Variants in AGPS observed in about 807,000 individuals in gnomAD.
The protein encoded by AGPS is alkylglycerone phosphate synthase.
A neutral mutation model predicts 90.7 loss-of-function variants in AGPS; 26 were observed. The ratio of observed to expected loss-of-function variants is 0.29; its 90% CI spans 0.21 to 0.40. The LOEUF (loss-of-function observed/expected upper bound fraction) is 0.40. Among genes scored for constraint, AGPS ranks in the 10% least tolerant of loss-of-function variants. AGPS has a pLI of 1.00. For missense variants in AGPS, 540 were observed against 816.1 expected (o/e 0.66, Z 4.12); for synonymous variants, 294 against 285.3 (o/e 1.03, Z -0.31).
chr2:177,450,975 T>TATATATATATATATA (rs1434749270), intron 8 of AGPS, among the ~76,000 whole-genome samples: 4 of 136,576 alleles, frequency 2.9e-5, no homozygotes, highest in African/African-American at 1.4e-4. Context: ...TATATATATA[T>TATATATATATATATA]TTTAGAGACA....
intron 16 of AGPS, among the ~76,000 whole-genome samples, chr2:177,509,062 T>C (rs1289406957): frequency 6.6e-6 from 1 of 152,194 alleles, no homozygotes; most frequent in African/African-American, 2.4e-5. Context: ...GTGAATCTAC[T>C]TCTTAGATTG....
intron 10 of AGPS, among the ~76,000 whole-genome samples, chr2:177,477,046 A>G (rs930289735): frequency 6.6e-6 from 1 of 152,066 alleles, no homozygotes; most frequent in Non-Finnish European, 1.5e-5. Context: ...TTTAAAGTGT[A>G]GATTCTGTAG....
intron 10 of AGPS, among the ~76,000 whole-genome samples, chr2:177,471,071 A>G (rs1013742595): frequency 1.1e-4 from 16 of 152,158 alleles, no homozygotes; most frequent in East Asian, 1.9e-4. Flanking sequence ...TTTACAATTT[A>G]TGGTCCCTAA....
intron 2 of AGPS, among the ~76,000 whole-genome samples, chr2:177,425,622 GAAAAAA>G (rs1159060576): frequency 0.034 from 3,215 of 95,264 alleles, 134 homozygotes; most frequent in African/African-American, 0.12. Flanking sequence ...ACTCTGCCTA[GAAAAAA>G]AAAAAAAAAA....
intron 1 of AGPS, among the ~76,000 whole-genome samples, chr2:177,413,916 A>G (rs1685710783): frequency 6.6e-6 from 1 of 152,154 alleles, no homozygotes; most frequent in South Asian, 2.1e-4. Flanking sequence ...CAAGTTTCTA[A>G]TTGGTAGATT....
intron 14 of AGPS, among the ~76,000 whole-genome samples, chr2:177,499,968 A>G (rs138564630): frequency 5.5e-4 from 84 of 151,986 alleles, no homozygotes; most frequent in African/African-American, 1.9e-3. Flanking sequence ...GCTCTTGTCT[A>G]ATCATATATA....
chr2:177,447,421 G>A (rs557237631), intron 8 of AGPS, among the ~76,000 whole-genome samples: 6 of 151,930 alleles, frequency 3.9e-5, no homozygotes, highest in African/African-American at 1.4e-4. Context: ...AACTTTAGTG[G>A]GCAGAATAAT....
chr2:177,462,392 C>CAAAA (rs67734682), intron 9 of AGPS, among the ~76,000 whole-genome samples: 3 of 108,166 alleles, frequency 2.8e-5, no homozygotes, highest in Non-Finnish European at 5.3e-5. Flanking sequence ...GATTCTGTCT[C>CAAAA]AAAAAAAAAA....
At chr2:177,462,115 G>A (rs1370997286) in intron 9 of AGPS, 97 bp downstream of exon 9, 11 of 1,154,620 alleles carry the variant, frequency 9.5e-6, no homozygotes, top group South Asian at 5.7e-5. Context: ...TTGGGCCTGG[G>A]CGCGGTGGCC....
At chr2:177,436,667 T>TA (rs1354327894) in intron 3 of AGPS, 97 bp from the exon 4 acceptor site, 80 of 1,243,476 alleles carry the variant, frequency 6.4e-5, no homozygotes, top group Non-Finnish European at 7.9e-5. Flanking sequence ...TTTGAATGTT[T>TA]AAAAAAAAGT....
rs186867002 is a variant in AGPS, at chr2:177,446,020, T to C, written c.870+394T>C. ...AACCTGGCATTTTTTTTGTTGTTGT[T>C]AGTACTGAGTCAGTGGCAAAGGACA... On this transcript the variant is annotated intron_variant, in intron 8 of 19. Transcript: ENST00000264167. Among the ~76,000 whole-genome samples the C allele has an allele frequency of 2.6e-5, 4 of 152,284 alleles. No individual in the cohort carries two copies. The East Asian group carries it at 7.7e-4, about 29-fold the overall frequency.
chr2:177,518,493 T>G (rs1689087557), intron 17 of AGPS, among the ~76,000 whole-genome samples: 1 of 152,116 alleles, frequency 6.6e-6, no homozygotes, highest in Admixed American at 6.5e-5. Context: ...TATGCAAATA[T>G]CCTGTTTCTT....
chr2:177,447,642 A>G (rs1431796074), intron 8 of AGPS, among the ~76,000 whole-genome samples: 2 of 151,816 alleles, frequency 1.3e-5, no homozygotes, highest in African/African-American at 4.8e-5. Context: ...TTCAAGGAAC[A>G]TATTTCCTTG....
chr2:177,438,167 TC>T (rs1371732336), intron 5 of AGPS, among the ~76,000 whole-genome samples: 1 of 152,184 alleles, frequency 6.6e-6, no homozygotes, highest in Non-Finnish European at 1.5e-5. Flanking sequence ...AATTTTCACT[TC>T]CCACAAGAAA....
intron 11 of AGPS, among the ~76,000 whole-genome samples, chr2:177,489,298 A>G (rs868388671): frequency 6.6e-5 from 10 of 151,962 alleles, no homozygotes; most frequent in African/African-American, 2.4e-4. Context: ...GTTAGCCAGG[A>G]TGGTCTCGAT....
Position 177,521,482 on chromosome 2 carries a change from G to A in AGPS, c.1797+114G>A. ...TCTTTAATCACACATGGTTTGCCTA[G>A]CTGTTAGCCCTTAGAAATGAAAAGC... On this transcript the variant is annotated intron_variant, in intron 18 of 19. Coordinates refer to ENST00000264167, the MANE Select transcript of AGPS (RefSeq NM_003659.4). 7 of 886,940 alleles carry A rather than the reference G, an allele frequency of 7.9e-6. No individual in the cohort carries two copies. In the Admixed American group the frequency reaches 1.3e-4, roughly 17 times the overall value. The allele number at this position is 886,940 out of a possible 1,614,324, so 54.9% of individuals were successfully genotyped here.
chr2:177,483,384 A>G (rs1688003376), intron 11 of AGPS, among the ~76,000 whole-genome samples: 1 of 152,182 alleles, frequency 6.6e-6, no homozygotes, highest in Non-Finnish European at 1.5e-5. Context: ...ACTTTCATGA[A>G]GTACAGCTAT....
chr2:177,432,241 A>G lies in AGPS; in HGVS notation c.351-2086A>G, dbSNP rs761384038. Among the ~76,000 whole-genome samples, 117 of 152,296 alleles carry G rather than the reference A, an allele frequency of 7.7e-4. 3 individuals carry two copies. Among genetic ancestry groups the G allele is most frequent in the Non-Finnish European group, 2.8e-4 (19 of 68,016 alleles). ...TTCTGTATCTTCTATAATATAGTCTATTTCAGCCCTATGGGAAAGTGATAA... is the reference window on the plus strand; with the variant it reads ...TTCTGTATCTTCTATAATATAGTCTGTTTCAGCCCTATGGGAAAGTGATAA... On this transcript the variant is annotated intron_variant, in intron 2 of 19. Coordinates refer to ENST00000264167, the MANE Select transcript of AGPS (RefSeq NM_003659.4).
chr2:177,520,430 A>G (rs1689147291), intron 17 of AGPS, among the ~76,000 whole-genome samples: 1 of 152,214 alleles, frequency 6.6e-6, no homozygotes, highest in Non-Finnish European at 1.5e-5. Flanking sequence ...TCATGTTCCT[A>G]TCCTCAGCAG....
Sources: allele counts gnomAD v4.1 joint callset (sites outside exome capture counted in the v4.1 genomes callset), GRCh38; gene constraint gnomAD v4.1.1; transcripts MANE v1.5; gene names NCBI Gene and HGNC (gene_info 2026-07-23, HGNC 2026-07-21).